The following FSTL5 variants were observed in gnomAD, a reference collection of about 807,000 sequenced individuals.
FSTL5 encodes the protein follistatin-related protein 5.
Under a neutral mutation model 89.1 loss-of-function variants are expected in FSTL5, and 62 were observed. That is an observed-to-expected ratio of 0.70 (90% CI 0.57 to 0.86). The LOEUF (loss-of-function observed/expected upper bound fraction) is 0.86, where lower values mean the gene tolerates loss of function less well. Among genes scored for constraint, FSTL5 ranks in the 40% least tolerant of loss-of-function variants. The pLI, the probability that FSTL5 is intolerant of heterozygous loss-of-function variation, is 0.00. For synonymous variants in FSTL5, 383 were observed against 346.2 expected, an observed-to-expected ratio of 1.11 and a Z score of -1.18; for missense variants, 1,057 against 1,001.6, an observed-to-expected ratio of 1.06 and a Z score of -0.75.
At chr4:161,524,101 T>G (rs2126519954) in intron 10 of FSTL5, among the ~76,000 whole-genome samples, 1 of 152,306 alleles carries the variant, frequency 6.6e-6, no homozygotes, top group Admixed American at 6.5e-5. Context: ...AGAAACATTT[T>G]ACATCCTATT....
chr4:161,941,152 A>T (rs1315399557), intron 3 of FSTL5, among the ~76,000 whole-genome samples: 4 of 151,882 alleles, frequency 2.6e-5, no homozygotes, highest in Non-Finnish European at 5.9e-5. Flanking sequence ...GAAAATATCT[A>T]AAAATATACA....
At chr4:161,968,787 G>A (rs1735396154) in intron 3 of FSTL5, among the ~76,000 whole-genome samples, 1 of 151,936 alleles carries the variant, frequency 6.6e-6, no homozygotes. Context: ...TTAATATTTG[G>A]TTTATATTGA....
chr4:161,511,094 A>G (rs1312213585), intron 10 of FSTL5, among the ~76,000 whole-genome samples: 1 of 152,174 alleles, frequency 6.6e-6, no homozygotes, highest in Non-Finnish European at 1.5e-5. Flanking sequence ...AAAAAAATCC[A>G]GTTGAAACTA....
At chr4:161,940,442 A>G (rs1317613563) in intron 3 of FSTL5, among the ~76,000 whole-genome samples, 1 of 151,826 alleles carries the variant, frequency 6.6e-6, no homozygotes, top group Non-Finnish European at 1.5e-5. Context: ...GAACGTTCTG[A>G]AGGACACAAA....
chr4:161,416,999 C>T (rs568258623), intron 15 of FSTL5, among the ~76,000 whole-genome samples: 1 of 151,932 alleles, frequency 6.6e-6, no homozygotes, highest in Non-Finnish European at 1.5e-5. Flanking sequence ...ACATTTAATA[C>T]AATGTTTATT....
chr4:161,953,077 T>C (rs1186490552), intron 3 of FSTL5, among the ~76,000 whole-genome samples: 1 of 151,786 alleles, frequency 6.6e-6, no homozygotes, highest in African/African-American at 2.4e-5. Context: ...TGAAGATAGA[T>C]GGCTGGATCA....
intron 15 of FSTL5, among the ~76,000 whole-genome samples, chr4:161,442,488 T>C (rs565811916): frequency 6.6e-6 from 1 of 152,252 alleles, no homozygotes; most frequent in African/African-American, 2.4e-5. Context: ...AGGTGGCTGA[T>C]AACTGGCAAT....
At chr4:161,678,034 G>A (rs1049422599) in intron 6 of FSTL5, among the ~76,000 whole-genome samples, 1 of 151,672 alleles carries the variant, frequency 6.6e-6, no homozygotes, top group African/African-American at 2.4e-5. Flanking sequence ...GCAATGGAAT[G>A]ATGAAAAAAT....
chr4:162,133,069 C>G (rs557989226), intron 1 of FSTL5, among the ~76,000 whole-genome samples: 1 of 152,294 alleles, frequency 6.6e-6, no homozygotes, highest in South Asian at 2.1e-4. Context: ...CACTCAGCCT[C>G]CTGAGTAGCT....
chr4:161,836,727 A>G (rs1258958851), intron 4 of FSTL5, among the ~76,000 whole-genome samples: 1 of 152,082 alleles, frequency 6.6e-6, no homozygotes, highest in Non-Finnish European at 1.5e-5. Flanking sequence ...AATTAAAGAT[A>G]TTGTGAAATT....
At chr4:161,668,725 T>C (rs1395233607) in intron 6 of FSTL5, among the ~76,000 whole-genome samples, 1 of 152,072 alleles carries the variant, frequency 6.6e-6, no homozygotes. Context: ...AAAAATCAAT[T>C]AAATGTACTC....
intron 15 of FSTL5, among the ~76,000 whole-genome samples, chr4:161,417,642 A>T (rs78500554): frequency 0.047 from 7,214 of 152,322 alleles, 435 homozygotes; most frequent in East Asian, 0.19. Flanking sequence ...CCTACCAAAT[A>T]CTACGTATCC....
chr4:161,904,463 A>T (rs1374721717), intron 4 of FSTL5, among the ~76,000 whole-genome samples: 1 of 152,030 alleles, frequency 6.6e-6, no homozygotes, highest in Non-Finnish European at 1.5e-5. Flanking sequence ...ATTATCCAAT[A>T]AATTTATTTT....
chr4:161,633,277 TTAAAC>T (rs958634692), intron 7 of FSTL5, among the ~76,000 whole-genome samples: 2 of 142,288 alleles, frequency 1.4e-5, no homozygotes, highest in South Asian at 4.5e-4. Context: ...TTCTGTGTCT[TTAAAC>T]TAATTCTTTT....
intron 3 of FSTL5, among the ~76,000 whole-genome samples, chr4:162,029,773 T>C (rs529609857): frequency 7.2e-5 from 11 of 152,130 alleles, no homozygotes; most frequent in Non-Finnish European, 1.5e-4. Flanking sequence ...TTCATATCTA[T>C]AAAATTTATG....
intron 6 of FSTL5, among the ~76,000 whole-genome samples, chr4:161,659,211 T>C (rs1253468065): frequency 6.6e-6 from 1 of 152,182 alleles, no homozygotes; most frequent in Admixed American, 6.5e-5. Flanking sequence ...TGACTTCAAA[T>C]ATATTTCGTG....
At chr4:161,791,056 T>C (rs1729457679) in intron 4 of FSTL5, among the ~76,000 whole-genome samples, 1 of 152,196 alleles carries the variant, frequency 6.6e-6, no homozygotes, top group Non-Finnish European at 1.5e-5. Context: ...TTCTATCATA[T>C]TTTAATGACC....
At chr4:162,088,618 A>C (rs1287036655) in intron 2 of FSTL5, among the ~76,000 whole-genome samples, 1 of 152,140 alleles carries the variant, frequency 6.6e-6, no homozygotes, top group Non-Finnish European at 1.5e-5. Context: ...CATAACTGTA[A>C]GTTAGCTACT....
intron 4 of FSTL5, among the ~76,000 whole-genome samples, chr4:161,785,590 T>C (rs1409993274): frequency 6.6e-6 from 1 of 152,144 alleles, no homozygotes; most frequent in Non-Finnish European, 1.5e-5. Context: ...ACGACAGTCA[T>C]AGAGAAAAAC....
Sources: gnomAD v4.1 joint callset for allele counts (sites outside exome capture counted in the v4.1 genomes callset) on GRCh38, gnomAD v4.1.1 for gene constraint, MANE v1.5 for transcripts, NCBI Gene and HGNC (gene_info 2026-07-23, HGNC 2026-07-21) for gene names.